Variants in IMMP2L observed in about 807,000 individuals in gnomAD.
IMMP2L encodes the protein inner mitochondrial membrane peptidase subunit 2, also known as mitochondrial inner membrane protease subunit 2.
In IMMP2L, 18 loss-of-function variants were observed where a neutral mutation model predicts 19.3. The ratio of observed to expected loss-of-function variants is 0.93; its 90% confidence interval spans 0.64 to 1.38. IMMP2L has a LOEUF of 1.38. IMMP2L is among the 40% of genes most tolerant of loss of function. IMMP2L has a pLI of 0.00. For synonymous variants in IMMP2L, 76 were observed against 73.0 expected, an observed-to-expected ratio of 1.04 and a Z score of -0.21; for missense variants, 233 against 218.2, an observed-to-expected ratio of 1.07 and a Z score of -0.43.
chr7:110,883,096 T>C (rs1809859418), intron 5 of IMMP2L, among the ~76,000 whole-genome samples: 1 of 152,216 alleles, frequency 6.6e-6, no homozygotes, highest in Non-Finnish European at 1.5e-5. Flanking sequence ...TTTTTGCGCT[T>C]TATAAACTTC....
intron 5 of IMMP2L, among the ~76,000 whole-genome samples, chr7:110,778,393 G>C (rs1170185496): frequency 1.3e-5 from 2 of 151,952 alleles, no homozygotes; most frequent in Non-Finnish European, 2.9e-5. Context: ...ATTGGAAGAA[G>C]TGCTGGGATA....
At chr7:111,112,734 C>G (rs1799386662) in intron 3 of IMMP2L, among the ~76,000 whole-genome samples, 1 of 152,112 alleles carries the variant, frequency 6.6e-6, no homozygotes, top group South Asian at 2.1e-4. Flanking sequence ...GACAAACAAT[C>G]CCATGCTTAT....
intron 3 of IMMP2L, among the ~76,000 whole-genome samples, chr7:111,250,131 A>C (rs776865755): frequency 6.6e-6 from 1 of 152,156 alleles, no homozygotes; most frequent in Non-Finnish European, 1.5e-5. Flanking sequence ...CGGAGTGGTG[A>C]ATTATGAATG....
intron 3 of IMMP2L, among the ~76,000 whole-genome samples, chr7:111,146,219 A>C (rs183374961): frequency 7.6e-6 from 1 of 130,792 alleles, no homozygotes; most frequent in Non-Finnish European, 1.6e-5. Context: ...ATGGTTTTTT[A>C]TGAGGAAGGA....
In IMMP2L at chr7:111,211,474, G is replaced by A. The variant is rs115097714; in HGVS notation, c.240-247909C>T. On this transcript the variant is annotated intron_variant, in intron 3 of 5. Coordinates refer to ENST00000405709, the MANE Select transcript of IMMP2L (RefSeq NM_032549.4). ...ATAGGCTGGAATCCGAATTGAACCA[G>A]GTCAAAACATTGTTGAATATCAAAC... Among the ~76,000 whole-genome samples the A allele has an allele frequency of 4.4e-3, 677 of 152,240 alleles. 4 individuals are homozygous for A. The highest frequency in any genetic ancestry group is 0.015 in the African/African-American group (607 of 41,536).
At chr7:110,730,887 G>A (rs150595241) in intron 5 of IMMP2L, among the ~76,000 whole-genome samples, 4 of 152,096 alleles carry the variant, frequency 2.6e-5, no homozygotes, top group Non-Finnish European at 5.9e-5. Context: ...CCTTGTGATC[G>A]TGTGAGTCAA....
intron 3 of IMMP2L, among the ~76,000 whole-genome samples, chr7:111,184,641 A>T (rs1327513652): frequency 1.3e-5 from 2 of 152,084 alleles, no homozygotes; most frequent in African/African-American, 4.8e-5. Context: ...ACACTGTGGA[A>T]AGGAAGTTTG....
At chr7:111,275,389 T>C (rs1299869620) in intron 3 of IMMP2L, among the ~76,000 whole-genome samples, 1 of 152,220 alleles carries the variant, frequency 6.6e-6, no homozygotes, top group Non-Finnish European at 1.5e-5. Context: ...CCTAATGGTT[T>C]TGAACCAGAA....
At chr7:110,925,387 C>G (rs1025264702) in intron 4 of IMMP2L, among the ~76,000 whole-genome samples, 12 of 152,072 alleles carry the variant, frequency 7.9e-5, no homozygotes, top group African/African-American at 2.7e-4. Context: ...CCCCCGGATA[C>G]TCTCATAGCT....
chr7:110,948,367 A>G (rs757679874), intron 4 of IMMP2L, among the ~76,000 whole-genome samples: 4 of 152,232 alleles, frequency 2.6e-5, no homozygotes, highest in African/African-American at 4.8e-5. Context: ...AATATTTTCT[A>G]TAACAATGAA....
chr7:111,162,248 T>A (rs995574961), intron 3 of IMMP2L, among the ~76,000 whole-genome samples: 1 of 152,106 alleles, frequency 6.6e-6, no homozygotes, highest in African/African-American at 2.4e-5. Context: ...TCCAATGAGT[T>A]TTTAAAATGT....
At chr7:111,026,649 A>G (rs1007504023) in intron 3 of IMMP2L, among the ~76,000 whole-genome samples, 1 of 152,150 alleles carries the variant, frequency 6.6e-6, no homozygotes, top group Non-Finnish European at 1.5e-5. Flanking sequence ...ATGCATTTCA[A>G]TTTAAGGTGT....
chr7:110,957,014 T>C (rs1253400689), intron 4 of IMMP2L, among the ~76,000 whole-genome samples: 1 of 151,916 alleles, frequency 6.6e-6, no homozygotes, highest in Non-Finnish European at 1.5e-5. Flanking sequence ...AACTAATGGG[T>C]CTAAGTATTA....
At chr7:110,820,820 G>A (rs925936311) in intron 5 of IMMP2L, among the ~76,000 whole-genome samples, 1 of 152,060 alleles carries the variant, frequency 6.6e-6, no homozygotes, top group Non-Finnish European at 1.5e-5. Context: ...TGGGGCCTCA[G>A]TGCCATCTTT....
At chr7:111,466,350 A>C (rs1840662580) in intron 3 of IMMP2L, among the ~76,000 whole-genome samples, 2 of 152,178 alleles carry the variant, frequency 1.3e-5, no homozygotes, top group African/African-American at 4.8e-5. Flanking sequence ...TAATAAAAAA[A>C]ATTATCAAAT....
chr7:111,456,656 T>C (rs1487178860), intron 3 of IMMP2L, among the ~76,000 whole-genome samples: 1 of 151,976 alleles, frequency 6.6e-6, no homozygotes, highest in Non-Finnish European at 1.5e-5. Context: ...GTTATAAAAG[T>C]TTCCATTGTC....
At chr7:111,547,714 C>A (rs569590215) in intron 1 of IMMP2L, among the ~76,000 whole-genome samples, 8 of 107,236 alleles carry the variant, frequency 7.5e-5, no homozygotes, top group South Asian at 8.9e-4. Context: ...CACCACCACA[C>A]CAGTCTAATT....
chr7:111,176,682 T>C (rs1048209427), intron 3 of IMMP2L, among the ~76,000 whole-genome samples: 6 of 151,922 alleles, frequency 3.9e-5, no homozygotes. Flanking sequence ...TATAGTTTAA[T>C]AGAATGAATA....
chr7:111,107,670 T>C (rs1411006443), intron 3 of IMMP2L, among the ~76,000 whole-genome samples: 1 of 152,246 alleles, frequency 6.6e-6, no homozygotes, highest in Non-Finnish European at 1.5e-5. Context: ...TGAAATACAA[T>C]AGATGCGTTT....
Sources: allele counts gnomAD v4.1 joint callset (sites outside exome capture counted in the v4.1 genomes callset), GRCh38; gene constraint gnomAD v4.1.1; transcripts MANE v1.5; gene names NCBI Gene and HGNC (gene_info 2026-07-23, HGNC 2026-07-21).